Variants in AKAP6 observed in about 807,000 individuals in gnomAD.
AKAP6 encodes the protein A-kinase anchoring protein 6.
AKAP6 carries 58 observed loss-of-function variants against 188.5 expected under a neutral mutation model. The ratio of observed to expected loss-of-function variants is 0.31; its 90% confidence interval spans 0.25 to 0.38. The LOEUF (loss-of-function observed/expected upper bound fraction) is 0.38, where lower values mean the gene tolerates loss of function less well. Ranked by LOEUF, AKAP6 falls within the 10% of genes least tolerant of loss-of-function variation. The probability of loss-of-function intolerance (pLI) is 1.00; values close to 1 mark genes in which losing one functional copy is unlikely to be tolerated. For synonymous variants in AKAP6, 989 were observed against 998.6 expected (o/e 0.99, Z 0.18); for missense variants, 2,710 against 2,740.0 (o/e 0.99, Z 0.24).
chr14:32,382,432 T>A (rs1380896898), intron 1 of AKAP6, among the ~76,000 whole-genome samples: 2 of 152,214 alleles, frequency 1.3e-5, no homozygotes, highest in East Asian at 1.9e-4. Flanking sequence ...GTCTATCATT[T>A]GAAGATAATA....
chr14:32,559,188 G>T (rs1317124279), intron 4 of AKAP6, among the ~76,000 whole-genome samples: 1 of 152,082 alleles, frequency 6.6e-6, no homozygotes, highest in Non-Finnish European at 1.5e-5. Context: ...TCTAGATCAG[G>T]GCTACAAACT....
At chr14:32,562,011 A>G (rs1415042645) in intron 4 of AKAP6, among the ~76,000 whole-genome samples, 7 of 152,180 alleles carry the variant, frequency 4.6e-5, no homozygotes, top group Non-Finnish European at 1.0e-4. Context: ...TTTTCTATCT[A>G]AGAATGATAG....
At chr14:32,700,744 T>C (rs1284946611) in intron 9 of AKAP6, among the ~76,000 whole-genome samples, 2 of 152,114 alleles carry the variant, frequency 1.3e-5, no homozygotes, top group Non-Finnish European at 2.9e-5. Context: ...TACTCTATCA[T>C]CTAGGTTTAT....
At chr14:32,569,727 A>G (rs911163367) in intron 4 of AKAP6, among the ~76,000 whole-genome samples, 1 of 152,198 alleles carries the variant, frequency 6.6e-6, no homozygotes, top group Middle Eastern at 3.2e-3. Context: ...GCTTCTAAAT[A>G]AAGTTCTAAT....
At chr14:32,773,164 CT>C (rs147021404) in intron 11 of AKAP6, among the ~76,000 whole-genome samples, 6,207 of 151,426 alleles carry the variant, frequency 0.041, 161 homozygotes, top group Non-Finnish European at 0.061. Flanking sequence ...TATTGCTTAT[CT>C]TTTTTTTTCA....
intron 2 of AKAP6, among the ~76,000 whole-genome samples, chr14:32,531,764 T>G (rs1882427447): frequency 6.6e-6 from 1 of 152,238 alleles, no homozygotes; most frequent in South Asian, 2.1e-4. Context: ...GAGACTGGCT[T>G]CTTTCACTTA....
intron 2 of AKAP6, among the ~76,000 whole-genome samples, chr14:32,502,904 A>T (rs926546290): frequency 2.6e-5 from 4 of 152,188 alleles, no homozygotes; most frequent in Non-Finnish European, 2.9e-5. Context: ...AAGCTTGAAC[A>T]TAAGTCATTT....
At position 32,831,636 on chromosome 14, in the gene AKAP6, A is replaced by G. The variant is rs1297547447; in HGVS notation, c.*1831A>G. The G allele has an allele frequency of 6.6e-6, 1 of 152,222 alleles. No individual in the cohort carries two copies. Among genetic ancestry groups the G allele is most frequent in the Non-Finnish European group, 1.5e-5 (1 of 68,052 alleles). The allele number at this position is 152,222 out of a possible 1,614,324, so 9.4% of individuals were successfully genotyped here. A position where few individuals can be genotyped will look rare whatever the true frequency, so the allele number is the denominator to read the frequency against. On this transcript the variant is annotated 3_prime_UTR_variant, in exon 14 of 14. Transcript: ENST00000280979. ...CAGAAGGCTGTCCTGCATTAGGAAC[A>G]AGTGAACACGCAAATGACATGAAGT...
At chr14:32,355,782 T>TTTTC (rs1468976169) in intron 1 of AKAP6, among the ~76,000 whole-genome samples, 1 of 120,646 alleles carries the variant, frequency 8.3e-6, no homozygotes, top group Non-Finnish European at 1.8e-5. Context: ...TTTTCTTTTC[T>TTTTC]TTTTTTTTTT....
chr14:32,577,184 A>C lies in AKAP6; in HGVS notation c.2411A>C (p.Asn804Thr), dbSNP rs186508981. Residue 804 changes from asparagine to threonine, a missense_variant, in exon 5 of 14, where the codon AAT (asparagine) becomes ACT (threonine). Asn to Thr is a moderately conservative substitution (Grantham distance 65). This residue lies in a region of AKAP6 where 2,473 missense variants were observed against 2,426.1 expected (regional missense o/e 1.02). Transcript: ENST00000280979. ...AATGAAGCCATGGAAACTACAGAAA[A>C]TTGGACTCCCCCTAAAGCAGAGATG... ...WLNEAMETTE[N>T]WTPPKAEMDD... The C allele has an allele frequency of 2.2e-4, 350 of 1,612,688 alleles. No homozygotes were observed. Among genetic ancestry groups the C allele is most frequent in the Non-Finnish European group, 5.1e-6 (6 of 1,179,206 alleles).
chr14:32,590,344 A>G (rs1885437821), intron 5 of AKAP6, among the ~76,000 whole-genome samples: 1 of 151,992 alleles, frequency 6.6e-6, no homozygotes, highest in Admixed American at 6.6e-5. Context: ...TATTAAAAAT[A>G]TCTGCTAAGG....
At chr14:32,553,079 C>G (rs899157731) in intron 4 of AKAP6, among the ~76,000 whole-genome samples, 26 of 152,088 alleles carry the variant, frequency 1.7e-4, no homozygotes, top group Non-Finnish European at 1.6e-4. Context: ...CTGTCAGTCC[C>G]CACCCCTCAC....
At chr14:32,388,665 G>T (rs1377200798) in intron 1 of AKAP6, among the ~76,000 whole-genome samples, 1 of 152,034 alleles carries the variant, frequency 6.6e-6, no homozygotes, top group East Asian at 1.9e-4. Flanking sequence ...GGTTTTGAAG[G>T]TTCCTTTTGG....
At chr14:32,393,648 C>G (rs1888782691) in intron 1 of AKAP6, among the ~76,000 whole-genome samples, 1 of 152,000 alleles carries the variant, frequency 6.6e-6, no homozygotes, top group Non-Finnish European at 1.5e-5. Flanking sequence ...GTCTATTTTG[C>G]AACTCTTTTG....
chr14:32,420,090 C>T (rs1889790695), intron 1 of AKAP6, among the ~76,000 whole-genome samples: 2 of 152,034 alleles, frequency 1.3e-5, no homozygotes, highest in South Asian at 4.1e-4. Flanking sequence ...TGTTTGCATA[C>T]AAATAGTTAA....
At position 32,811,586 on chromosome 14, in the gene AKAP6, T is replaced by C. The variant is rs1222237436; in HGVS notation, c.3589-9816T>C. On this transcript the variant is annotated intron_variant, in intron 12 of 13. Transcript: ENST00000280979. ...TTGGCATCTGAAGTGAAGGCAGTCT[T>C]GTGGGACTGAGCCCTCTCACGTATG... Among the ~76,000 whole-genome samples the C allele has an allele frequency of 3.3e-5, 5 of 152,186 alleles. No homozygotes were observed. The East Asian group carries it at 9.6e-4, about 29-fold the overall frequency.
rs1889527640 is a variant in AKAP6, at chr14:32,678,405, A to G, written c.2825A>G (p.Lys942Arg). The change falls in exon 8 of 14, where the codon AAG (lysine) becomes AGG (arginine). Residue 942 changes from lysine (K) to arginine (R), a missense_variant. Physicochemically the swap from Lys to Arg is conservative, Grantham distance 26. Around this residue, in one of 2 missense-constraint regions of AKAP6, gnomAD observed 2,473 missense variants for 2,426.1 expected, o/e 1.02. Transcript: ENST00000280979. Reference protein sequence around the residue: ...LYSEQYTSSSKRKEEFADMSK... With the variant: ...LYSEQYTSSSRRKEEFADMSK... ...AGCGAGCAGTATACCAGCAGCAGCA[A>G]GCGAAAGGAAGAGTTTGCTGATATG... 1 of 1,613,982 alleles carries G rather than the reference A, an allele frequency of 6.2e-7. No homozygotes were observed. Among genetic ancestry groups the G allele is most frequent in the African/African-American group, 1.3e-5 (1 of 75,056 alleles).
At chr14:32,489,337 T>C (rs934160402) in intron 2 of AKAP6, among the ~76,000 whole-genome samples, 1 of 152,124 alleles carries the variant, frequency 6.6e-6, no homozygotes, top group African/African-American at 2.4e-5. Context: ...GCCTCCCAAG[T>C]AGCTAGGACT....
At chr14:32,749,064 A>G (rs2032024973) in intron 11 of AKAP6, among the ~76,000 whole-genome samples, 1 of 152,158 alleles carries the variant, frequency 6.6e-6, no homozygotes, top group Non-Finnish European at 1.5e-5. Flanking sequence ...TTACTACAAC[A>G]TGATTCTTTT....
Sources: allele counts gnomAD v4.1 joint callset (sites outside exome capture counted in the v4.1 genomes callset), GRCh38; gene constraint gnomAD v4.1.1; regional missense constraint gnomAD v4.1.1; transcripts MANE v1.5; gene names NCBI Gene and HGNC (gene_info 2026-07-23, HGNC 2026-07-21).